GALNTL6: variants seen among roughly 807,000 people sequenced by gnomAD.
GALNTL6 encodes the protein polypeptide N-acetylgalactosaminyltransferase-like 6.
Under a neutral mutation model 73.7 loss-of-function variants are expected in GALNTL6, and 46 were observed. That is an observed-to-expected ratio of 0.62 (90% confidence interval 0.49 to 0.80). The LOEUF is 0.80. Among genes scored for constraint, GALNTL6 ranks in the 30% least tolerant of loss-of-function variants. The probability of loss-of-function intolerance (pLI) is 0.00; values close to 1 mark genes in which losing one functional copy is unlikely to be tolerated. For synonymous variants in GALNTL6, 259 were observed against 263.7 expected (o/e 0.98, Z 0.17); for missense variants, 604 against 755.0 (o/e 0.80, Z 2.34).
intron 5 of GALNTL6, among the ~76,000 whole-genome samples, chr4:172,414,102 T>C (rs1744537885): frequency 6.6e-6 from 1 of 152,134 alleles, no homozygotes; most frequent in African/African-American, 2.4e-5. Context: ...TAATCCTAAT[T>C]TCTATTTTCT....
At position 172,626,374 on chromosome 4, in the gene GALNTL6, G is replaced by C. The variant is rs187629830; in HGVS notation, c.554-182987G>C. ...GTTCTCTATCCTGTCTCATTGGTCT[G>C]TGTGTCTGTTTTTAACCATGCTGTT... On this transcript the variant is annotated intron_variant, in intron 5 of 12. Transcript: ENST00000506823. 2.4e-4 allele frequency among the ~76,000 whole-genome samples: 37 copies of C among 151,954 alleles called. 1 individual carries two copies. Among genetic ancestry groups the C allele is most frequent in the Non-Finnish European group, 8.8e-5 (6 of 67,846 alleles).
chr4:172,076,562 G>A (rs781192750), intron 2 of GALNTL6, among the ~76,000 whole-genome samples: 6 of 152,026 alleles, frequency 3.9e-5, no homozygotes, highest in African/African-American at 7.2e-5. Context: ...GCAGAAAATC[G>A]CCACATCTGT....
At chr4:172,819,798 A>T (rs1741818909) in intron 7 of GALNTL6, among the ~76,000 whole-genome samples, 1 of 152,220 alleles carries the variant, frequency 6.6e-6, no homozygotes, top group African/African-American at 2.4e-5. Context: ...AGCAGAGCTA[A>T]GAATTCCCAC....
chr4:172,223,629 T>C (rs1220564824), intron 2 of GALNTL6, among the ~76,000 whole-genome samples: 1 of 152,086 alleles, frequency 6.6e-6, no homozygotes. Flanking sequence ...TTTGAATAAA[T>C]GAATAATGGG....
At chr4:172,023,618 A>G (rs573832191) in intron 2 of GALNTL6, among the ~76,000 whole-genome samples, 5 of 152,018 alleles carry the variant, frequency 3.3e-5, no homozygotes, top group Admixed American at 6.6e-5. Flanking sequence ...CAACTTAGCT[A>G]TAGATTTTTA....
At chr4:172,869,385 T>C (rs968029876) in intron 7 of GALNTL6, among the ~76,000 whole-genome samples, 2 of 151,990 alleles carry the variant, frequency 1.3e-5, no homozygotes, top group Non-Finnish European at 2.9e-5. Context: ...GATTTCTTAG[T>C]GGAGTGTGCG....
rs1736060777 is a variant in GALNTL6, at chr4:171,869,058, G to A, written c.138+54340G>A. ...CTTAACAACTTCATGTAAACGGGAA[G>A]ATATAACAGGGTAGTAGAAAAATCT... On this transcript the variant is annotated intron_variant, in intron 2 of 12. Coordinates refer to ENST00000506823, the MANE Select transcript of GALNTL6 (RefSeq NM_001034845.3). Among the ~76,000 whole-genome samples the A allele has an allele frequency of 3.3e-5, 5 of 152,180 alleles. No homozygotes were observed. The South Asian group carries it at 1.0e-3, about 31-fold the overall frequency.
At chr4:172,707,347 C>G (rs777229881) in intron 5 of GALNTL6, among the ~76,000 whole-genome samples, 2 of 152,158 alleles carry the variant, frequency 1.3e-5, no homozygotes, top group South Asian at 2.1e-4. Context: ...TACCACAAAT[C>G]AGTAGTCAGA....
chr4:172,471,193 A>C (rs891604075), intron 5 of GALNTL6, among the ~76,000 whole-genome samples: 1 of 152,104 alleles, frequency 6.6e-6, no homozygotes, highest in South Asian at 2.1e-4. Flanking sequence ...AGCCTCCTCA[A>C]TGTTCCTGCA....
At chr4:172,698,565 A>G (rs2111281801) in intron 5 of GALNTL6, among the ~76,000 whole-genome samples, 1 of 152,164 alleles carries the variant, frequency 6.6e-6, no homozygotes, top group Middle Eastern at 3.4e-3. Context: ...GCAGCTCTAT[A>G]CTCTGCTATC....
chr4:172,241,419 C>A (rs1399345093), intron 3 of GALNTL6, among the ~76,000 whole-genome samples: 1 of 152,134 alleles, frequency 6.6e-6, no homozygotes, highest in South Asian at 2.1e-4. Context: ...ATTGAAAGAC[C>A]TTAGGACCTC....
chr4:172,283,173 AACACATGAGTGAG>A (rs1455266410), intron 3 of GALNTL6, among the ~76,000 whole-genome samples: 3 of 152,216 alleles, frequency 2.0e-5, no homozygotes, highest in African/African-American at 7.2e-5. Flanking sequence ...CTTCTCTGTA[AACACATGAGTGAG>A]ACAAAGAATT....
intron 5 of GALNTL6, among the ~76,000 whole-genome samples, chr4:172,626,160 T>C (rs1055610138): frequency 1.3e-5 from 2 of 152,160 alleles, no homozygotes; most frequent in African/African-American, 4.8e-5. Context: ...TGGTCTTATA[T>C]TAAAATCTTT....
At chr4:172,909,196 A>C (rs1579640226) in intron 8 of GALNTL6, among the ~76,000 whole-genome samples, 2 of 151,866 alleles carry the variant, frequency 1.3e-5, no homozygotes, top group East Asian at 3.9e-4. Context: ...TTCATACAAA[A>C]AGTATGAAGA....
chr4:172,900,963 A>G (rs945861606), intron 8 of GALNTL6, among the ~76,000 whole-genome samples: 1 of 152,192 alleles, frequency 6.6e-6, no homozygotes, highest in African/African-American at 2.4e-5. Flanking sequence ...TATCTATCAC[A>G]TCTTTTCTGA....
chr4:171,887,083 G>T (rs1736626906), intron 2 of GALNTL6, among the ~76,000 whole-genome samples: 4 of 152,110 alleles, frequency 2.6e-5, no homozygotes, highest in Admixed American at 2.0e-4. Context: ...TCAAAGTAAA[G>T]TTGCCTGCAT....
At position 171,864,394 on chromosome 4, in the gene GALNTL6, A is replaced by T. The variant is rs1378048625; in HGVS notation, c.138+49676A>T. Among the ~76,000 whole-genome samples, 3 of 152,166 alleles carry T rather than the reference A, an allele frequency of 2.0e-5. No individual in the cohort carries two copies. The East Asian group carries it at 5.8e-4, about 29-fold the overall frequency. ...CTCACATATGAGGTATAGTGATTAA[A>T]TTCTTCAGGAACTGAAAGAAATTAG... On this transcript the variant is annotated intron_variant, in intron 2 of 12. Coordinates refer to ENST00000506823, the MANE Select transcript of GALNTL6 (RefSeq NM_001034845.3).
chr4:171,926,870 T>G (rs564506446), intron 2 of GALNTL6, among the ~76,000 whole-genome samples: 12 of 152,296 alleles, frequency 7.9e-5, no homozygotes, highest in African/African-American at 2.2e-4. Flanking sequence ...AGTTTTAGCT[T>G]TTGCACATAG....
intron 7 of GALNTL6, among the ~76,000 whole-genome samples, chr4:172,856,673 A>G (rs1327987758): frequency 1.3e-5 from 2 of 152,190 alleles, no homozygotes; most frequent in Non-Finnish European, 2.9e-5. Context: ...AACAGCTTCA[A>G]ATTAAAAGCA....
Sources: allele counts gnomAD v4.1 joint callset (sites outside exome capture counted in the v4.1 genomes callset), GRCh38; gene constraint gnomAD v4.1.1; transcripts MANE v1.5; gene names NCBI Gene and HGNC (gene_info 2026-07-23, HGNC 2026-07-21).